SLC12A6: variants seen among roughly 807,000 people sequenced by gnomAD.
SLC12A6 encodes the protein K-Cl cotransporter 3.
A neutral mutation model predicts 135.3 loss-of-function variants in SLC12A6; 66 were observed. That is an observed-to-expected ratio of 0.49 (90% CI 0.40 to 0.60). SLC12A6 has a LOEUF of 0.60. Among genes scored for constraint, SLC12A6 ranks in the 20% least tolerant of loss-of-function variants. The pLI, the probability that SLC12A6 is intolerant of heterozygous loss-of-function variation, is 0.00. For synonymous variants in SLC12A6, 513 were observed against 508.8 expected, an observed-to-expected ratio of 1.01 and a Z score of -0.11; for missense variants, 1,058 against 1,452.3, an observed-to-expected ratio of 0.73 and a Z score of 4.41.
chr15:34,261,118 C>T (rs1893094288), intron 3 of SLC12A6, 98 bp from the exon 4 acceptor site: 1 of 742,564 alleles, frequency 1.3e-6, no homozygotes, highest in African/African-American at 1.7e-5. Context: ...ATTAATATAA[C>T]CCATTTTCAT....
intron 4 of SLC12A6, among the ~76,000 whole-genome samples, chr15:34,259,151 C>T (rs1049847712): frequency 1.3e-5 from 2 of 151,860 alleles, no homozygotes; most frequent in African/African-American, 2.4e-5. Context: ...ACCAGCCTGG[C>T]CAAGATGGTG....
intron 9 of SLC12A6, among the ~76,000 whole-genome samples, chr15:34,253,096 AC>A (rs1383415185): frequency 6.6e-6 from 1 of 152,216 alleles, no homozygotes; most frequent in African/African-American, 2.4e-5. Flanking sequence ...ACAAATATAA[AC>A]AAAGGAATAA....
chr15:34,310,963 T>TCC (rs1304909841), intron 2 of SLC12A6, among the ~76,000 whole-genome samples: 2 of 152,242 alleles, frequency 1.3e-5, no homozygotes, highest in South Asian at 4.1e-4. Context: ...GTAACAATTA[T>TCC]TTAGTTAATA....
intron 2 of SLC12A6, among the ~76,000 whole-genome samples, chr15:34,320,408 C>A (rs1275643992): frequency 6.6e-6 from 1 of 151,988 alleles, no homozygotes; most frequent in Non-Finnish European, 1.5e-5. Context: ...ACAAATATCA[C>A]ATTTTCATTC....
intron 2 of SLC12A6, among the ~76,000 whole-genome samples, chr15:34,291,842 T>G (rs1895554737): frequency 6.6e-6 from 1 of 152,154 alleles, no homozygotes; most frequent in Admixed American, 6.5e-5. Flanking sequence ...TCATGTCATT[T>G]AAGCTCTTCT....
chr15:34,248,849 G>C (rs1892187276), intron 13 of SLC12A6, among the ~76,000 whole-genome samples: 1 of 152,150 alleles, frequency 6.6e-6, no homozygotes, highest in Non-Finnish European at 1.5e-5. Flanking sequence ...CCTTAGCCTA[G>C]TCTCTAAGAG....
intron 3 of SLC12A6, 129 bp downstream of exon 3, chr15:34,275,216 A>G: frequency 1.7e-6 from 1 of 587,596 alleles, no homozygotes; most frequent in Non-Finnish European, 3.1e-6. Flanking sequence ...ACAGCAGGAA[A>G]AAAGTTGTTG....
intron 2 of SLC12A6, among the ~76,000 whole-genome samples, chr15:34,311,444 T>C (rs1352176298): frequency 1.3e-5 from 2 of 152,220 alleles, no homozygotes; most frequent in African/African-American, 2.4e-5. Context: ...AACTTTGTTA[T>C]ATTGGTCCTA....
chr15:34,337,833 C>G (rs1011336094), upstream of SLC12A6: 2 of 152,232 alleles, frequency 1.3e-5, no homozygotes, highest in Non-Finnish European at 2.9e-5. Flanking sequence ...CTGGCGCCCC[C>G]TCCCCGGCCC....
intron 3 of SLC12A6, among the ~76,000 whole-genome samples, chr15:34,274,375 A>G (rs1160331167): frequency 6.6e-6 from 1 of 152,244 alleles, no homozygotes; most frequent in East Asian, 1.9e-4. Flanking sequence ...TGTCAACAGC[A>G]AGTACTTTTA....
chr15:34,268,159 G>A (rs550988725), intron 3 of SLC12A6, among the ~76,000 whole-genome samples: 98 of 152,270 alleles, frequency 6.4e-4, no homozygotes, highest in Non-Finnish European at 5.7e-4. Context: ...CAAAAATCTG[G>A]CATGAGACAA....
chr15:34,261,094 C>T, intron 3 of SLC12A6, 74 bp from the exon 4 acceptor site: 1 of 813,222 alleles, frequency 1.2e-6, no homozygotes, highest in Non-Finnish European at 2.2e-6. Flanking sequence ...CAGATAAGTG[C>T]AGGTTGCTTC....
chr15:34,270,282 G>C (rs941423962), intron 3 of SLC12A6, among the ~76,000 whole-genome samples: 2 of 151,806 alleles, frequency 1.3e-5, no homozygotes, highest in Non-Finnish European at 2.9e-5. Flanking sequence ...GTAGAGATGG[G>C]TTCTTGCAAT....
In SLC12A6 at chr15:34,244,061, A is replaced by G. The variant is rs1241653226; in HGVS notation, c.1955T>C (p.Met652Thr). The change falls in exon 16 of 26, where the codon ATG becomes ACG. Residue 652 changes from methionine (M) to threonine (T), a missense_variant. Met to Thr is a moderately conservative substitution (Grantham distance 81). Transcript: ENST00000354181. Reference protein sequence around the residue: ...VAPILSMFFLMCYLFVNLACA... With the variant: ...VAPILSMFFLTCYLFVNLACA... ...TGCCAAGTTTACAAAGAGGTAACAC[A>G]TGAGAAAAAACCTGAAGAATAAAGA... is the stretch of plus-strand genomic sequence containing the variant. The G allele has an allele frequency of 6.3e-7, 1 of 1,584,198 alleles. No individual in the cohort carries two copies.
chr15:34,238,776 A>G (rs1891446538), intron 20 of SLC12A6, 189 bp downstream of exon 20: 5 of 684,194 alleles, frequency 7.3e-6, no homozygotes, highest in Non-Finnish European at 2.6e-6. Context: ...GAAATAATTC[A>G]TGAACATAAT....
intron 2 of SLC12A6, among the ~76,000 whole-genome samples, chr15:34,307,187 C>T (rs1327314421): frequency 1.3e-5 from 2 of 152,062 alleles, no homozygotes; most frequent in African/African-American, 4.8e-5. Flanking sequence ...TAAAAAAATA[C>T]CGATGGGGAA....
At chr15:34,314,082 C>A (rs1888459673) in intron 2 of SLC12A6, among the ~76,000 whole-genome samples, 1 of 142,662 alleles carries the variant, frequency 7.0e-6, no homozygotes, top group Non-Finnish European at 1.5e-5. Context: ...TAGTCTTGCT[C>A]TGTTGCTTAG....
intron 4 of SLC12A6, among the ~76,000 whole-genome samples, chr15:34,260,179 T>G (rs536757636): frequency 6.6e-6 from 1 of 152,180 alleles, no homozygotes; most frequent in Non-Finnish European, 1.5e-5. Flanking sequence ...AAATATCACA[T>G]TGTAATCCAT....
intron 2 of SLC12A6, among the ~76,000 whole-genome samples, chr15:34,304,391 T>C (rs1313991854): frequency 6.6e-6 from 1 of 152,238 alleles, no homozygotes; most frequent in Non-Finnish European, 1.5e-5. Context: ...CCTGTACAAG[T>C]TTTTGTGTGG....
Sources: gnomAD v4.1 joint callset for allele counts (sites outside exome capture counted in the v4.1 genomes callset) on GRCh38, gnomAD v4.1.1 for gene constraint, MANE v1.5 for transcripts, NCBI Gene and HGNC (gene_info 2026-07-23, HGNC 2026-07-21) for gene names.